Variants in MNAT1 observed in about 807,000 individuals in gnomAD.
The protein encoded by MNAT1 is MNAT1 component of CDK activating kinase.
MNAT1 carries 43 observed loss-of-function variants against 42.0 expected under a neutral mutation model. The ratio of observed to expected loss-of-function variants is 1.02; its 90% CI spans 0.80 to 1.32. MNAT1 has a LOEUF of 1.32. MNAT1 is among the 40% of genes most tolerant of loss of function. The pLI, the probability that MNAT1 is intolerant of heterozygous loss-of-function variation, is 0.00. For missense variants in MNAT1, 306 were observed against 350.4 expected (o/e 0.87, Z 1.01); for synonymous variants, 118 against 120.0 (o/e 0.98, Z 0.11).
intron 6 of MNAT1, among the ~76,000 whole-genome samples, chr14:60,855,632 ACCCACTG>A (rs1303376877): frequency 6.6e-6 from 1 of 151,846 alleles, no homozygotes; most frequent in Non-Finnish European, 1.5e-5. Flanking sequence ...CATGGGTTGG[ACCCACTG>A]CCTAACCAGT....
chr14:60,802,447 T>C (rs1452860713), intron 3 of MNAT1, among the ~76,000 whole-genome samples: 4 of 152,182 alleles, frequency 2.6e-5, no homozygotes, highest in East Asian at 1.9e-4. Flanking sequence ...CCCATAGATA[T>C]ATACAATTAT....
Position 60,968,708 on chromosome 14 carries a change from G to T in MNAT1, c.*359G>T. 3.0e-6 allele frequency: 1 copy of T among 331,012 alleles called. No individual in the cohort carries two copies. The highest frequency in any genetic ancestry group is 5.5e-6 in the Non-Finnish European group (1 of 182,130). The allele number at this position is 331,012 out of a possible 1,614,324, so 20.5% of individuals were successfully genotyped here. On this transcript the variant is annotated 3_prime_UTR_variant, in exon 8 of 8. Transcript: ENST00000261245. ...TCTGTGGTTTTTCTCTTATTACAGT[G>T]TTTTACTTGAACACATTTTAAATAC...
At chr14:60,774,370 G>A (rs1410132315) in intron 1 of MNAT1, among the ~76,000 whole-genome samples, 3 of 152,148 alleles carry the variant, frequency 2.0e-5, no homozygotes, top group Non-Finnish European at 4.4e-5. Flanking sequence ...GAAGAGAGGG[G>A]TAGAATGATA....
intron 2 of MNAT1, among the ~76,000 whole-genome samples, chr14:60,796,801 T>G (rs1047519006): frequency 6.6e-5 from 10 of 152,218 alleles, no homozygotes; most frequent in African/African-American, 2.2e-4. Flanking sequence ...TATTATAGAT[T>G]GAGAATAGTG....
intron 6 of MNAT1, among the ~76,000 whole-genome samples, chr14:60,850,129 A>G (rs909410794): frequency 2.0e-5 from 3 of 152,112 alleles, no homozygotes; most frequent in Non-Finnish European, 4.4e-5. Flanking sequence ...GGGCCACCTC[A>G]CCTGGCCTTA....
chr14:60,830,798 CTTT>C (rs781035081), intron 6 of MNAT1, among the ~76,000 whole-genome samples: 4 of 135,590 alleles, frequency 3.0e-5, no homozygotes, highest in Admixed American at 1.5e-4. Context: ...CTTCTTCTGC[CTTT>C]TTTTTTTTTT....
intron 1 of MNAT1, among the ~76,000 whole-genome samples, chr14:60,764,805 G>C (rs2030748002): frequency 6.6e-6 from 1 of 152,206 alleles, no homozygotes; most frequent in South Asian, 2.1e-4. Flanking sequence ...GGTCTTTGGA[G>C]TCTGGCCTGA....
chr14:60,902,051 C>T (rs998691755), intron 7 of MNAT1, among the ~76,000 whole-genome samples: 6 of 152,070 alleles, frequency 3.9e-5, no homozygotes, highest in African/African-American at 9.7e-5. Flanking sequence ...AGTCAATCAA[C>T]GCAGCAAACT....
intron 6 of MNAT1, among the ~76,000 whole-genome samples, chr14:60,862,535 G>A (rs557304072): frequency 3.3e-5 from 5 of 152,308 alleles, no homozygotes; most frequent in African/African-American, 7.2e-5. Context: ...CAACTTGTCC[G>A]TGAGGATTTG....
At chr14:60,777,353 G>C (rs1244723174) in intron 1 of MNAT1, among the ~76,000 whole-genome samples, 1 of 152,120 alleles carries the variant, frequency 6.6e-6, no homozygotes, top group Non-Finnish European at 1.5e-5. Flanking sequence ...GGGAGGCTGA[G>C]TTGGGAGGAT....
intron 1 of MNAT1, among the ~76,000 whole-genome samples, chr14:60,756,019 A>G (rs1398915156): frequency 1.3e-5 from 2 of 152,294 alleles, no homozygotes; most frequent in East Asian, 3.9e-4. Context: ...TATGCACATG[A>G]TGTGATGCCA....
chr14:60,874,563 T>C (rs1201186387), intron 6 of MNAT1, among the ~76,000 whole-genome samples: 1 of 152,146 alleles, frequency 6.6e-6, no homozygotes, highest in African/African-American at 2.4e-5. Flanking sequence ...TTTTTTCTGT[T>C]CTGTCTTTTT....
At chr14:60,845,704 A>C (rs1181198046) in intron 6 of MNAT1, among the ~76,000 whole-genome samples, 1 of 152,092 alleles carries the variant, frequency 6.6e-6, no homozygotes, top group Non-Finnish European at 1.5e-5. Flanking sequence ...TCCGAGCCCT[A>C]GGCAACCACT....
chr14:60,741,661 T>TTTTG (rs1256807591), intron 1 of MNAT1, among the ~76,000 whole-genome samples: 5 of 143,902 alleles, frequency 3.5e-5, no homozygotes, highest in Non-Finnish European at 6.1e-5. Flanking sequence ...GCCTGGGGTT[T>TTTTG]TTTTTTTTTT....
intron 7 of MNAT1, among the ~76,000 whole-genome samples, chr14:60,909,167 GTTTT>G (rs931112006): frequency 7.9e-5 from 12 of 152,086 alleles, no homozygotes; most frequent in African/African-American, 2.7e-4. Context: ...TTTTGATGGG[GTTTT>G]TTGTTTTTTT....
chr14:60,890,742 G>C (rs1355214907), intron 7 of MNAT1, among the ~76,000 whole-genome samples: 1 of 152,210 alleles, frequency 6.6e-6, no homozygotes, highest in Non-Finnish European at 1.5e-5. Context: ...GGAAGACTCA[G>C]CAAGTCTGCT....
chr14:60,747,235 T>C (rs559194658), intron 1 of MNAT1, among the ~76,000 whole-genome samples: 75 of 152,008 alleles, frequency 4.9e-4, no homozygotes, highest in African/African-American at 1.7e-3. Context: ...CTGCCCGCCC[T>C]GGCCTCCCAA....
intron 1 of MNAT1, among the ~76,000 whole-genome samples, chr14:60,773,183 C>CAAG (rs1042151745): frequency 6.6e-6 from 1 of 152,082 alleles, no homozygotes; most frequent in African/African-American, 2.4e-5. Context: ...GTGACCTGCC[C>CAAG]GCCTTTGCCT....
chr14:60,898,140 TGCGCGC>T (rs761629129), intron 7 of MNAT1, among the ~76,000 whole-genome samples: 1 of 10,082 alleles, frequency 9.9e-5, no homozygotes, highest in African/African-American at 2.8e-4. Context: ...TGTGTGTGTG[TGCGCGC>T]GCCACATTTT....
Sources: gnomAD v4.1 joint callset for allele counts (sites outside exome capture counted in the v4.1 genomes callset) on GRCh38, gnomAD v4.1.1 for gene constraint, MANE v1.5 for transcripts, NCBI Gene and HGNC (gene_info 2026-07-23, HGNC 2026-07-21) for gene names.